The following VPS13D variants were observed in gnomAD, a reference collection of about 807,000 sequenced individuals.
The protein encoded by VPS13D is intermembrane lipid transfer protein VPS13D.
In VPS13D, 187 loss-of-function variants were observed where a neutral mutation model predicts 461.9. The ratio of observed to expected loss-of-function variants is 0.40; its 90% CI spans 0.36 to 0.46. VPS13D has a LOEUF of 0.46. Among genes scored for constraint, VPS13D ranks in the 20% least tolerant of loss-of-function variants. VPS13D has a pLI of 0.60. For missense variants in VPS13D, 4,711 were observed against 5,364.9 expected, an observed-to-expected ratio of 0.88 and a Z score of 3.81; for synonymous variants, 1,951 against 1,986.3, an observed-to-expected ratio of 0.98 and a Z score of 0.47.
intron 60 of VPS13D, among the ~76,000 whole-genome samples, chr1:12,397,967 G>A (rs1279127895): frequency 1.3e-5 from 2 of 152,194 alleles, no homozygotes; most frequent in African/African-American, 4.8e-5. Flanking sequence ...TGATGAAGCT[G>A]GAGAATTTGG....
At chr1:12,336,635 A>G (rs957841221) in intron 39 of VPS13D, 4 of 152,152 alleles carry the variant, frequency 2.6e-5, no homozygotes, top group Non-Finnish European at 4.4e-5. Context: ...GTGTGAAGTA[A>G]TTGTACTGGT....
intron 67 of VPS13D, among the ~76,000 whole-genome samples, chr1:12,475,628 C>T (rs770788201): frequency 2.6e-5 from 4 of 152,216 alleles, no homozygotes; most frequent in African/African-American, 4.8e-5. Context: ...ATCTCATCCC[C>T]GCAAGGGATT....
intron 63 of VPS13D, among the ~76,000 whole-genome samples, chr1:12,409,493 T>C (rs1343408357): frequency 6.6e-6 from 1 of 152,190 alleles, no homozygotes; most frequent in African/African-American, 2.4e-5. Context: ...GGGGAGTATA[T>C]AGACTTTTCA....
rs754405704 is a variant in VPS13D, at chr1:12,276,770, G to T, written c.3182G>T (p.Arg1061Leu). 1 of 1,614,172 alleles carries T rather than the reference G, an allele frequency of 6.2e-7. No individual in the cohort carries two copies. Among genetic ancestry groups the T allele is most frequent in the South Asian group, 1.1e-5 (1 of 91,080 alleles). The change falls in exon 19 of 70, where the codon CGA becomes CTA. Residue 1061 changes from arginine to leucine, a missense_variant. Coordinates refer to ENST00000620676, the MANE Select transcript of VPS13D (RefSeq NM_015378.4). The surrounding 1 kb of genome is among the most constrained non-coding windows in gnomAD (Gnocchi z 4.5). ...ACTGATGGAGCTACACTGAACGACC[G>T]ATCAGCTACTAGTGTTTCACTTGAC... ...HLTDGATLNDRSATSVSLDKI... is the reference protein window; with the variant it reads ...HLTDGATLNDLSATSVSLDKI...
intron 38 of VPS13D, among the ~76,000 whole-genome samples, chr1:12,334,405 G>C (rs1643401018): frequency 6.6e-6 from 1 of 152,200 alleles, no homozygotes; most frequent in Admixed American, 6.5e-5. Context: ...TTGAAAAGCT[G>C]CAGTAAACAA....
intron 24 of VPS13D, among the ~76,000 whole-genome samples, chr1:12,295,238 A>C (rs1016712722): frequency 3.1e-4 from 47 of 151,918 alleles, no homozygotes; most frequent in Non-Finnish European, 5.3e-4. Flanking sequence ...AAAAAAAAAA[A>C]AACAAAACTT....
chr1:12,241,985 TAGCCTA>T (rs1464691449), intron 2 of VPS13D, among the ~76,000 whole-genome samples: 1 of 151,998 alleles, frequency 6.6e-6, no homozygotes. Context: ...TGGTAAATAT[TAGCCTA>T]AGCAAGGGGT....
chr1:12,247,758 T>C (rs1464629399), intron 5 of VPS13D, among the ~76,000 whole-genome samples: 1 of 151,344 alleles, frequency 6.6e-6, no homozygotes, highest in Non-Finnish European at 1.5e-5. Context: ...GGCTGGAATG[T>C]GGTGGCGTGA....
rs958513374 is a variant in VPS13D, at chr1:12,505,879, G to A, written c.12795-974G>A. Among the ~76,000 whole-genome samples, 3 of 152,226 alleles carry A rather than the reference G, an allele frequency of 2.0e-5. No homozygotes were observed. The highest frequency in any genetic ancestry group is 7.2e-5 in the African/African-American group (3 of 41,460). ...GCAGCCTGCTCCCCTCGACAGGCAG[G>A]CCACCTCCTGCCCCCAGGCTTCTGC... On this transcript the variant is annotated intron_variant, in intron 68 of 69. Transcript: ENST00000620676. The surrounding 1 kb of genome is among the most constrained non-coding windows in gnomAD (Gnocchi z 4.2).
chr1:12,244,356 G>A lies in VPS13D; in HGVS notation c.286G>A (p.Asp96Asn). 1 of 1,614,160 alleles carries A rather than the reference G, an allele frequency of 6.2e-7. No homozygotes were observed. The highest frequency in any genetic ancestry group is 8.5e-7 in the Non-Finnish European group (1 of 1,180,034). ...AATTGGAGCCCCAGAGAAAATACAG[G>A]ATTTCAATGATGAAAAGGAGAAGCT... ...HLIGAPEKIQ[D>N]FNDEKEKLLE... The change falls in exon 4 of 70, where the codon GAT (aspartate) becomes AAT (asparagine). Residue 96 changes from aspartate (D) to asparagine (N), a missense_variant. Transcript: ENST00000620676.
intron 68 of VPS13D, chr1:12,500,042 T>C (rs1646014835): frequency 1.0e-6 from 1 of 985,328 alleles, no homozygotes; most frequent in African/African-American, 1.7e-5. Flanking sequence ...CACATTTTTT[T>C]CCAGTTAGGC....
intron 40 of VPS13D, among the ~76,000 whole-genome samples, chr1:12,338,729 G>A (rs1405846899): frequency 2.0e-5 from 3 of 151,946 alleles, no homozygotes; most frequent in Admixed American, 2.0e-4. Context: ...ATAATAATAG[G>A]GATAGCGGAA....
At chr1:12,300,932 G>A (rs187733013) in intron 25 of VPS13D, among the ~76,000 whole-genome samples, 32 of 152,200 alleles carry the variant, frequency 2.1e-4, no homozygotes, top group African/African-American at 4.8e-4. Flanking sequence ...TTGCAAACTC[G>A]TTTTAGTGTG....
At chr1:12,400,414 T>C in intron 61 of VPS13D, 84 bp downstream of exon 61, 4 of 1,513,566 alleles carry the variant, frequency 2.6e-6, no homozygotes, top group Non-Finnish European at 3.6e-6. Context: ...AGAGCAGCAG[T>C]GCCGGGTGCT....
At chr1:12,361,465 G>A (rs1326638585) in intron 50 of VPS13D, among the ~76,000 whole-genome samples, 7 of 146,826 alleles carry the variant, frequency 4.8e-5, no homozygotes, top group African/African-American at 1.8e-4. Context: ...GCGGGATCTC[G>A]GCTCACTGCA....
chr1:12,432,670 AC>A (rs1407213962), intron 65 of VPS13D, among the ~76,000 whole-genome samples: 1 of 145,632 alleles, frequency 6.9e-6, no homozygotes, highest in Non-Finnish European at 1.5e-5. Flanking sequence ...ATCTTGTCTC[AC>A]TGCAACCTCT....
Position 12,443,994 on chromosome 1 carries a change from C to T in VPS13D, c.12334-12004C>T, listed in dbSNP as rs183905303. Among the ~76,000 whole-genome samples, 744 of 152,080 alleles carry T rather than the reference C, an allele frequency of 4.9e-3. 4 individuals carry two copies. The highest frequency in any genetic ancestry group is 0.016 in the African/African-American group (681 of 41,496). The stretch of plus-strand genomic sequence containing the variant: ...CTGAGTAGCTGGGATTACAGGCACC[C>T]GCCATCGTGCCCGGCTAACTTGTAT... On this transcript the variant is annotated intron_variant, in intron 65 of 69. Coordinates refer to ENST00000620676, the MANE Select transcript of VPS13D (RefSeq NM_015378.4).
chr1:12,390,584 G>A (rs187490069), intron 60 of VPS13D, among the ~76,000 whole-genome samples: 18 of 152,332 alleles, frequency 1.2e-4, no homozygotes, highest in Admixed American at 3.3e-4. Flanking sequence ...AGGCAAACCC[G>A]TATCTGGAGT....
In VPS13D at chr1:12,314,326, A is replaced by G; in HGVS notation, c.7147A>G (p.Arg2383Gly). 6.2e-7 allele frequency: 1 copy of G among 1,612,134 alleles called. No homozygotes were observed. The highest frequency in any genetic ancestry group is 8.5e-7 in the Non-Finnish European group (1 of 1,178,426). Residue 2383 changes from arginine to glycine, a missense_variant and splice_region_variant, in exon 30 of 70, where the codon AGA (arginine) becomes GGA (glycine). By Grantham distance (125) the Arg-to-Gly change is moderately radical (BLOSUM62 -2). Coordinates refer to ENST00000620676, the MANE Select transcript of VPS13D (RefSeq NM_015378.4). ...GTCCATTCAGATTGAACTACATTTC[A>G]GGTAGCAGGTCCAGACCCTTCTCTG... The part of the protein sequence containing the change: ...QGSIQIELHF[R>G]STKDSSCFTV...
Sources: allele counts gnomAD v4.1 joint callset (sites outside exome capture counted in the v4.1 genomes callset), GRCh38; gene constraint gnomAD v4.1.1; non-coding constraint Gnocchi (gnomAD v3.1); transcripts MANE v1.5; gene names NCBI Gene and HGNC (gene_info 2026-07-23, HGNC 2026-07-21).